The following COLEC12 variants were observed in gnomAD, a reference collection of about 807,000 sequenced individuals.
COLEC12 encodes the protein collectin subfamily member 12.
In COLEC12, 33 loss-of-function variants were observed where a neutral mutation model predicts 71.1. The observed-to-expected ratio is 0.46, with a 90% CI of 0.35 to 0.62. COLEC12 has a LOEUF of 0.62. Ranked by LOEUF, COLEC12 falls within the 20% of genes least tolerant of loss-of-function variation. COLEC12 has a pLI of 0.00. For missense variants in COLEC12, 765 were observed against 916.1 expected, an observed-to-expected ratio of 0.84 and a Z score of 2.13; for synonymous variants, 350 against 353.0, an observed-to-expected ratio of 0.99 and a Z score of 0.10.
At chr18:324,918 A>G (rs1035847471) in intron 8 of COLEC12, among the ~76,000 whole-genome samples, 1 of 151,760 alleles carries the variant, frequency 6.6e-6, no homozygotes, top group Non-Finnish European at 1.5e-5. Flanking sequence ...AGCCTAGCGC[A>G]GTGGCTCACA....
chr18:400,062 TC>T (rs1915650840), intron 2 of COLEC12, among the ~76,000 whole-genome samples: 1 of 152,212 alleles, frequency 6.6e-6, no homozygotes, highest in South Asian at 2.1e-4. Context: ...GTTAACCCTT[TC>T]ATCTCCATTT....
At chr18:401,069 T>C (rs8084893) in intron 2 of COLEC12, among the ~76,000 whole-genome samples, 35,937 of 152,070 alleles carry the variant, frequency 0.24, 5,343 homozygotes, top group South Asian at 0.47. Context: ...TTGTGACTTA[T>C]CCACATGGAA....
In COLEC12 at chr18:480,627, G is replaced by T; in HGVS notation, c.58+80C>A. On this transcript the variant is annotated intron_variant, in intron 2 of 9. Coordinates refer to ENST00000400256, the MANE Select transcript of COLEC12 (RefSeq NM_130386.3). The surrounding 1 kb of genome is among the most constrained non-coding windows in gnomAD (Gnocchi z 4.1). ...CATGTGCATGAAGGGCCTGCCAGTG[G>T]CCTGCCAATGGTCTCTGAGGGTTCG... 2 of 1,270,782 alleles carry T rather than the reference G, an allele frequency of 1.6e-6. No individual in the cohort carries two copies. Among genetic ancestry groups the T allele is most frequent in the Non-Finnish European group, 2.3e-6 (2 of 866,990 alleles). 78.7% of individuals were successfully genotyped at this position (1,270,782 alleles called of 1,614,324 possible). A position where few individuals can be genotyped will look rare whatever the true frequency, so the allele number is the denominator to read the frequency against.
At position 429,625 on chromosome 18, in the gene COLEC12, G is replaced by A. The variant is rs80168123; in HGVS notation, c.58+51082C>T. Among the ~76,000 whole-genome samples, 53 of 152,142 alleles carry A rather than the reference G, an allele frequency of 3.5e-4. No homozygotes were observed. The East Asian group carries it at 7.2e-3, about 21-fold the overall frequency. On this transcript the variant is annotated intron_variant, in intron 2 of 9. Transcript: ENST00000400256. ...TCAAACTGCTGACCTCAAGCGAACC[G>A]CCCCCGTCAACCTCCCAAAGTTCTG... is the stretch of plus-strand genomic sequence containing the variant.
At chr18:495,419 T>C (rs140779764) in intron 1 of COLEC12, among the ~76,000 whole-genome samples, 3 of 152,344 alleles carry the variant, frequency 2.0e-5, no homozygotes, top group African/African-American at 7.2e-5. Context: ...ATTTTCTCAA[T>C]GCAAACCTGT....
intron 2 of COLEC12, among the ~76,000 whole-genome samples, chr18:457,999 C>T (rs898124289): frequency 5.9e-5 from 9 of 152,162 alleles, no homozygotes; most frequent in South Asian, 4.1e-4. Flanking sequence ...AGATGTGGTT[C>T]GCCAGAAGCA....
chr18:343,179 G>C (rs1914295544), intron 5 of COLEC12, among the ~76,000 whole-genome samples: 1 of 151,830 alleles, frequency 6.6e-6, no homozygotes, highest in Admixed American at 6.6e-5. Flanking sequence ...GTGCCTCTTG[G>C]CTGCCCCTTT....
chr18:319,961 T>C lies in COLEC12; in HGVS notation c.*84A>G. 1.2e-6 allele frequency: 1 copy of C among 803,952 alleles called. No homozygotes were observed. Among genetic ancestry groups the C allele is most frequent in the Non-Finnish European group, 2.1e-6 (1 of 485,774 alleles). The allele number at this position is 803,952 out of a possible 1,614,324, so 49.8% of individuals were successfully genotyped here. A position where few individuals can be genotyped will look rare whatever the true frequency, so the allele number is the denominator to read the frequency against. On this transcript the variant is annotated 3_prime_UTR_variant, in exon 10 of 10. Transcript: ENST00000400256. Reference sequence around the variant, plus strand: ...TTTCAGTGCTTTTTTTTTTTCAATCTGATGAGAAGGTGATGCAATTAGAAA... The same window carrying C: ...TTTCAGTGCTTTTTTTTTTTCAATCCGATGAGAAGGTGATGCAATTAGAAA...
chr18:416,175 T>C (rs1915981755), intron 2 of COLEC12, among the ~76,000 whole-genome samples: 1 of 152,136 alleles, frequency 6.6e-6, no homozygotes, highest in Non-Finnish European at 1.5e-5. Context: ...CAGATAACAA[T>C]GCAAACCTGA....
chr18:322,582 C>G (rs895460303), intron 8 of COLEC12, among the ~76,000 whole-genome samples: 1 of 152,178 alleles, frequency 6.6e-6, no homozygotes, highest in Non-Finnish European at 1.5e-5. Context: ...ACGAATAAAT[C>G]AGGTGTGCTT....
rs1364873696 is a variant in COLEC12, at chr18:346,752, G to T, written c.870C>A (p.Leu290=). 2.1e-5 allele frequency: 34 copies of T among 1,614,102 alleles called. No homozygotes were observed. The highest frequency in any genetic ancestry group is 2.9e-5 in the Non-Finnish European group (34 of 1,180,048). ...TCTCCATCTGACCTGTGAATGAGTT[G>T]AGCTGGCTGTTCATATCCTCCAGGG... ...NDTLEDMNSQ[L]NSFTGQMENI... The change falls in exon 5 of 10, where the codon CTC becomes CTA. Residue 290 remains leucine, a synonymous_variant. Transcript: ENST00000400256. The surrounding 1 kb of genome is among the most constrained non-coding windows in gnomAD (Gnocchi z 4.0).
At chr18:354,399 G>T (rs1255997837) in intron 3 of COLEC12, among the ~76,000 whole-genome samples, 2 of 152,352 alleles carry the variant, frequency 1.3e-5, no homozygotes, top group Admixed American at 1.3e-4. Flanking sequence ...AAGAAGAAAA[G>T]AACAATTTTG....
chr18:453,831 G>A (rs1166811940), intron 2 of COLEC12, among the ~76,000 whole-genome samples: 1 of 152,208 alleles, frequency 6.6e-6, no homozygotes, highest in Non-Finnish European at 1.5e-5. Flanking sequence ...TCAGCAAGAT[G>A]CTTAGCTCAA....
At chr18:400,446 A>G (rs1018756323) in intron 2 of COLEC12, among the ~76,000 whole-genome samples, 6 of 152,218 alleles carry the variant, frequency 3.9e-5, no homozygotes, top group Admixed American at 6.5e-5. Flanking sequence ...GTGTTTCAGT[A>G]AAGCAATTTT....
chr18:469,347 A>T (rs541729504), intron 2 of COLEC12, among the ~76,000 whole-genome samples: 1 of 152,216 alleles, frequency 6.6e-6, no homozygotes, highest in Non-Finnish European at 1.5e-5. Flanking sequence ...AGGTTGGCTG[A>T]TATTTTTCTT....
At chr18:404,101 C>T (rs1026546552) in intron 2 of COLEC12, among the ~76,000 whole-genome samples, 4 of 152,132 alleles carry the variant, frequency 2.6e-5, no homozygotes, top group East Asian at 1.9e-4. Context: ...ACCATGTCGC[C>T]GATGTGCGAG....
intron 2 of COLEC12, among the ~76,000 whole-genome samples, chr18:416,513 G>C (rs550118759): frequency 6.6e-6 from 1 of 152,154 alleles, no homozygotes; most frequent in Non-Finnish European, 1.5e-5. Flanking sequence ...TTATATCCTA[G>C]AGGAATTCCA....
chr18:327,404 G>C lies in COLEC12; in HGVS notation c.2063+4264C>G, dbSNP rs1913869553. ...CAAAGCATCTGGGGACCCATCCTTGGAACTGTCCGGGCCATTGCAGGTGGC... is the reference window on the plus strand; with the variant it reads ...CAAAGCATCTGGGGACCCATCCTTGCAACTGTCCGGGCCATTGCAGGTGGC... On this transcript the variant is annotated intron_variant, in intron 8 of 9. Transcript: ENST00000400256. The surrounding 1 kb of genome is among the most constrained non-coding windows in gnomAD (Gnocchi z 4.0). Among the ~76,000 whole-genome samples, 1 of 152,068 alleles carries C rather than the reference G, an allele frequency of 6.6e-6. No homozygotes were observed. The highest frequency in any genetic ancestry group is 1.5e-5 in the Non-Finnish European group (1 of 67,998).
At chr18:499,970 C>G (rs1001135765) in intron 1 of COLEC12, among the ~76,000 whole-genome samples, 25 of 152,228 alleles carry the variant, frequency 1.6e-4, no homozygotes, top group African/African-American at 5.8e-4. Context: ...AATGCACTTC[C>G]CGAGCCAGCT....
Sources: gnomAD v4.1 joint callset for allele counts (sites outside exome capture counted in the v4.1 genomes callset) on GRCh38, gnomAD v4.1.1 for gene constraint, Gnocchi (gnomAD v3.1) non-coding constraint, MANE v1.5 for transcripts, NCBI Gene and HGNC (gene_info 2026-07-23, HGNC 2026-07-21) for gene names.